PTPRT: variants seen among roughly 807,000 people sequenced by gnomAD.
The protein encoded by PTPRT is receptor-type tyrosine-protein phosphatase T.
A neutral mutation model predicts 176.8 loss-of-function variants in PTPRT; 56 were observed. The observed-to-expected ratio is 0.32, with a 90% confidence interval of 0.26 to 0.40. PTPRT has a LOEUF of 0.40. PTPRT is among the 10% of genes least tolerant of loss of function. PTPRT has a pLI of 1.00. For synonymous variants in PTPRT, 783 were observed against 739.0 expected (o/e 1.06, Z -0.96); for missense variants, 1,540 against 1,908.2 (o/e 0.81, Z 3.60).
intron 27 of PTPRT, among the ~76,000 whole-genome samples, chr20:42,089,042 C>A (rs1984326458): frequency 6.6e-6 from 1 of 152,214 alleles, no homozygotes; most frequent in South Asian, 2.1e-4. Context: ...CGCAATGATG[C>A]CTTGCTTTCC....
chr20:42,554,761 T>A (rs1011636696), intron 7 of PTPRT, among the ~76,000 whole-genome samples: 22 of 152,152 alleles, frequency 1.4e-4, no homozygotes, highest in Admixed American at 1.2e-3. Context: ...CTTAAGCTGG[T>A]CAAATTTGTG....
intron 1 of PTPRT, among the ~76,000 whole-genome samples, chr20:43,084,904 A>G (rs2011563770): frequency 6.6e-6 from 1 of 152,188 alleles, no homozygotes; most frequent in African/African-American, 2.4e-5. Context: ...TTTGATAAGC[A>G]ACAGGTATTT....
intron 2 of PTPRT, among the ~76,000 whole-genome samples, chr20:42,819,078 C>A (rs981284152): frequency 2.0e-5 from 3 of 152,106 alleles, no homozygotes; most frequent in African/African-American, 7.2e-5. Context: ...CCAACAAGAT[C>A]AACTCCAAGA....
chr20:42,757,524 G>A (rs766350468), intron 5 of PTPRT, among the ~76,000 whole-genome samples: 39 of 152,256 alleles, frequency 2.6e-4, no homozygotes, highest in Non-Finnish European at 4.4e-4. Flanking sequence ...GGGACACTCC[G>A]TCTTCCGTAA....
chr20:42,602,350 G>C (rs1189702763), intron 7 of PTPRT, among the ~76,000 whole-genome samples: 1 of 152,142 alleles, frequency 6.6e-6, no homozygotes, highest in African/African-American at 2.4e-5. Flanking sequence ...CTACTAGATT[G>C]TTCTTAGGAA....
At chr20:42,720,365 G>A (rs1171075811) in intron 6 of PTPRT, among the ~76,000 whole-genome samples, 1 of 152,194 alleles carries the variant, frequency 6.6e-6, no homozygotes, top group East Asian at 1.9e-4. Flanking sequence ...ACATGGTTGT[G>A]TCTGACTGGT....
chr20:43,130,858 A>G (rs572548586), intron 1 of PTPRT, among the ~76,000 whole-genome samples: 2 of 152,272 alleles, frequency 1.3e-5, no homozygotes, highest in Admixed American at 6.5e-5. Context: ...ACTAAAAGCA[A>G]TATCTTTTTA....
rs747032552 is a variant in PTPRT at position 42,352,302 on chromosome 20, C to T, written c.1561-17G>A. On this transcript the variant is annotated splice_polypyrimidine_tract_variant and intron_variant, in intron 9 of 30. Transcript: ENST00000373187. ...GTAGTTGATCTGTAGGACAAGCCAG[C>T]AAACAAACAAACAAATAAATGCCTC... 2.0e-5 allele frequency: 33 copies of T among 1,611,738 alleles called. No homozygotes were observed. In the Admixed American group the frequency reaches 4.5e-4, roughly 22 times the overall value.
intron 9 of PTPRT, among the ~76,000 whole-genome samples, chr20:42,392,303 A>G (rs1217692613): frequency 1.3e-5 from 2 of 152,194 alleles, no homozygotes; most frequent in Non-Finnish European, 2.9e-5. Context: ...CTGAAAGGTA[A>G]GAGGGCTATT....
At chr20:42,104,536 A>G in intron 25 of PTPRT, 33 bp downstream of exon 25, 1 of 1,591,258 alleles carries the variant, frequency 6.3e-7, no homozygotes, top group Middle Eastern at 1.7e-4. Context: ...CAAACTGACT[A>G]AGATGGTCAC....
chr20:42,524,630 G>A (rs921907755), intron 7 of PTPRT, among the ~76,000 whole-genome samples: 1 of 152,056 alleles, frequency 6.6e-6, no homozygotes, highest in African/African-American at 2.4e-5. Flanking sequence ...TCCCGCTTAG[G>A]ATAAACTGGC....
At chr20:42,538,936 A>G (rs1336954432) in intron 7 of PTPRT, among the ~76,000 whole-genome samples, 1 of 152,178 alleles carries the variant, frequency 6.6e-6, no homozygotes, top group African/African-American at 2.4e-5. Flanking sequence ...TTTTCCAACA[A>G]GAGGTTCAAA....
intron 1 of PTPRT, among the ~76,000 whole-genome samples, chr20:42,962,414 G>A (rs1600598642): frequency 6.6e-6 from 1 of 151,522 alleles, no homozygotes; most frequent in Admixed American, 6.6e-5. Flanking sequence ...AAAGACAAAA[G>A]AGATATGTTA....
chr20:42,858,103 C>T lies in PTPRT; in HGVS notation c.214+27704G>A, dbSNP rs138033866. ...CGTGTTCCTCTTCCATAGAGTCAATCATGGATCTGCCTACCTGTCTACCTA... is the reference window on the plus strand; with the variant it reads ...CGTGTTCCTCTTCCATAGAGTCAATTATGGATCTGCCTACCTGTCTACCTA... On this transcript the variant is annotated intron_variant, in intron 2 of 30. Transcript: ENST00000373187. Among the ~76,000 whole-genome samples the T allele has an allele frequency of 3.6e-4, 55 of 152,282 alleles. No individual in the cohort carries two copies. In the East Asian group the frequency reaches 9.7e-3, roughly 27 times the overall value.
chr20:43,106,913 C>A (rs1457196505), intron 1 of PTPRT, among the ~76,000 whole-genome samples: 1 of 152,014 alleles, frequency 6.6e-6, no homozygotes, highest in Non-Finnish European at 1.5e-5. Context: ...ACCTCAGCCT[C>A]CCGAGTAGCT....
At chr20:42,391,762 CT>C (rs1023096045) in intron 9 of PTPRT, among the ~76,000 whole-genome samples, 3 of 152,174 alleles carry the variant, frequency 2.0e-5, no homozygotes, top group African/African-American at 7.2e-5. Flanking sequence ...TGTCTTGCCC[CT>C]GGTGTCATCC....
chr20:42,722,204 C>A (rs181145732), intron 6 of PTPRT, among the ~76,000 whole-genome samples: 84 of 152,136 alleles, frequency 5.5e-4, no homozygotes, highest in African/African-American at 2.0e-3. Flanking sequence ...CTGATTCAGT[C>A]GGTGGGGTGG....
intron 16 of PTPRT, among the ~76,000 whole-genome samples, chr20:42,184,540 C>CT (rs879588603): frequency 8.8e-6 from 1 of 113,180 alleles, no homozygotes; most frequent in Non-Finnish European, 1.8e-5. Flanking sequence ...TCTTCCTCTT[C>CT]CTCTTCTTCT....
intron 8 of PTPRT, among the ~76,000 whole-genome samples, chr20:42,465,223 A>G (rs956104690): frequency 6.6e-6 from 1 of 152,190 alleles, no homozygotes; most frequent in African/African-American, 2.4e-5. Flanking sequence ...ACAAAATCAT[A>G]CAACTTCTAT....
Sources: gnomAD v4.1 joint callset for allele counts (sites outside exome capture counted in the v4.1 genomes callset) on GRCh38, gnomAD v4.1.1 for gene constraint, MANE v1.5 for transcripts, NCBI Gene and HGNC (gene_info 2026-07-23, HGNC 2026-07-21) for gene names.